LARP4B: variants seen among roughly 807,000 people sequenced by gnomAD.
The protein encoded by LARP4B is La ribonucleoprotein 4B.
Under a neutral mutation model 89.8 loss-of-function variants are expected in LARP4B, and 12 were observed. The ratio of observed to expected loss-of-function variants is 0.13; its 90% CI spans 0.09 to 0.22. LARP4B has a LOEUF of 0.22. Among genes scored for constraint, LARP4B ranks in the 10% least tolerant of loss-of-function variants. LARP4B has a pLI of 1.00. For missense variants in LARP4B, 757 were observed against 947.7 expected (o/e 0.80, Z 2.64); for synonymous variants, 367 against 363.3 (o/e 1.01, Z -0.12).
the LARP4B span, among the ~76,000 whole-genome samples, chr10:945,244 C>T: frequency 4.0e-5 from 6 of 151,524 alleles, no homozygotes; most frequent in Non-Finnish European, 5.9e-5. Context: ...ATTAGCTGGG[C>T]ATTATGATAG....
chr10:835,172 G>A (rs1237239900), intron 8 of LARP4B, among the ~76,000 whole-genome samples: 2 of 152,260 alleles, frequency 1.3e-5, no homozygotes, highest in African/African-American at 4.8e-5. Flanking sequence ...GTAAAGACAG[G>A]CTAAGTGGAA....
chr10:960,172 T>C, the LARP4B span, among the ~76,000 whole-genome samples: 1 of 152,108 alleles, frequency 6.6e-6, no homozygotes, highest in Non-Finnish European at 1.5e-5. Flanking sequence ...CAGAACGTTT[T>C]GGAAAAGGCG....
chr10:861,531 T>G (rs1042822585), intron 5 of LARP4B, among the ~76,000 whole-genome samples: 5 of 152,302 alleles, frequency 3.3e-5, no homozygotes, highest in East Asian at 1.9e-4. Flanking sequence ...ATACCCCTTT[T>G]AAAAAGAATC....
At chr10:903,029 C>A (rs1167848711) in intron 1 of LARP4B, among the ~76,000 whole-genome samples, 1 of 152,148 alleles carries the variant, frequency 6.6e-6, no homozygotes, top group East Asian at 1.9e-4. Flanking sequence ...ATATTCTAAC[C>A]TCCATTTTTC....
At chr10:896,139 C>T (rs1836183052) in intron 1 of LARP4B, among the ~76,000 whole-genome samples, 1 of 152,240 alleles carries the variant, frequency 6.6e-6, no homozygotes, top group Non-Finnish European at 1.5e-5. Context: ...TCTTGTGAAA[C>T]TACACTGCTC....
intron 3 of LARP4B, among the ~76,000 whole-genome samples, chr10:864,684 C>T (rs140572043): frequency 2.6e-5 from 4 of 152,252 alleles, no homozygotes; most frequent in East Asian, 1.9e-4. Context: ...CAGGGCGCGG[C>T]GGCTCACACC....
the LARP4B span, among the ~76,000 whole-genome samples, chr10:977,632 C>T: frequency 1.3e-5 from 2 of 152,010 alleles, no homozygotes; most frequent in Non-Finnish European, 2.9e-5. Flanking sequence ...AACGTGCTGG[C>T]CTAGAGTTCT....
At chr10:988,144 G>A in the LARP4B span, 166 of 271,348 alleles carry the variant, frequency 6.1e-4, no homozygotes, top group Non-Finnish European at 1.0e-3. Context: ...CAGGGCGCGT[G>A]GCTGGGGGCC....
the LARP4B span, among the ~76,000 whole-genome samples, chr10:942,924 G>T: frequency 6.6e-6 from 1 of 150,464 alleles, no homozygotes; most frequent in Non-Finnish European, 1.5e-5. Context: ...GCTTTCAGAT[G>T]ATCACAGTCC....
At chr10:823,666 T>C (rs1009034597) in intron 13 of LARP4B, among the ~76,000 whole-genome samples, 2 of 151,708 alleles carry the variant, frequency 1.3e-5, no homozygotes, top group Admixed American at 6.6e-5. Context: ...GGGAGCCACA[T>C]GGCCTTGATG....
the LARP4B span, among the ~76,000 whole-genome samples, chr10:957,307 C>A: frequency 6.6e-6 from 1 of 152,072 alleles, no homozygotes; most frequent in Non-Finnish European, 1.5e-5. Flanking sequence ...GGATTACAGA[C>A]GTGTGCCATC....
At chr10:820,206 G>T (rs559371124) in intron 14 of LARP4B, 1 of 152,414 alleles carries the variant, frequency 6.6e-6, no homozygotes, top group Middle Eastern at 3.1e-3. Context: ...CTAAAGACCA[G>T]CACAAACATT....
chr10:913,789 G>T (rs1424118665), intron 1 of LARP4B, among the ~76,000 whole-genome samples: 1 of 152,108 alleles, frequency 6.6e-6, no homozygotes, highest in African/African-American at 2.4e-5. Context: ...CACGCCTGTA[G>T]TCCCAGCTAC....
At chr10:883,847 A>C (rs1835767140) in intron 3 of LARP4B, among the ~76,000 whole-genome samples, 1 of 151,874 alleles carries the variant, frequency 6.6e-6, no homozygotes, top group Non-Finnish European at 1.5e-5. Flanking sequence ...GGGGGGGAAT[A>C]GATGAGATTT....
At chr10:819,992 A>G (rs114990649) in intron 14 of LARP4B, 5,122 of 151,676 alleles carry the variant, frequency 0.034, 115 homozygotes, top group Admixed American at 0.067. Flanking sequence ...CTGTCCCACT[A>G]CTGGTTCGTG....
At position 905,701 on chromosome 10, in the gene LARP4B, G is replaced by GA. The variant is rs1836472270; in HGVS notation, c.-39-19942dup. ...GCAAGGGAGGAGCTGAGGAGCAAGG[G>GA]AGGAGCTGAGGAGCAGGGAAGGAGG... On this transcript the variant is annotated intron_variant, in intron 1 of 17. Coordinates refer to ENST00000316157, the MANE Select transcript of LARP4B (RefSeq NM_015155.3). Among the ~76,000 whole-genome samples, 4 of 86,068 alleles carry GA rather than the reference G, an allele frequency of 4.6e-5. No individual in the cohort carries two copies. The South Asian group carries it at 1.7e-3, about 36-fold the overall frequency. 56.5% of individuals were successfully genotyped at this position (86,068 alleles called of 152,430 possible). A position where few individuals can be genotyped will look rare whatever the true frequency, so the allele number is the denominator to read the frequency against.
chr10:959,409 ATCAATCCACCTCCCCG>A, the LARP4B span, among the ~76,000 whole-genome samples: 1 of 46,238 alleles, frequency 2.2e-5, no homozygotes, highest in Non-Finnish European at 4.1e-5. Flanking sequence ...CCACCTCCCC[ATCAATCCACCTCCCCG>A]TCAATCCACC....
intron 1 of LARP4B, among the ~76,000 whole-genome samples, chr10:911,568 T>C (rs1836666041): frequency 6.6e-6 from 1 of 152,190 alleles, no homozygotes; most frequent in African/African-American, 2.4e-5. Flanking sequence ...TTCTGTTTCC[T>C]TCCACACTTC....
At chr10:860,211 C>CT (rs573412278) in intron 5 of LARP4B, among the ~76,000 whole-genome samples, 18 of 151,968 alleles carry the variant, frequency 1.2e-4, no homozygotes, top group African/African-American at 3.4e-4. Flanking sequence ...AAAAAACAGT[C>CT]TTTTTTTTAA....
Sources: gnomAD v4.1 joint callset for allele counts (sites outside exome capture counted in the v4.1 genomes callset) on GRCh38, gnomAD v4.1.1 for gene constraint, MANE v1.5 for transcripts, NCBI Gene and HGNC (gene_info 2026-07-23, HGNC 2026-07-21) for gene names.